ADGRL4: variants seen among roughly 807,000 people sequenced by gnomAD.
ADGRL4 encodes the protein EGF, latrophilin and seven transmembrane domain containing 1.
ADGRL4 carries 90 observed loss-of-function variants against 74.8 expected under a neutral mutation model. That is an observed-to-expected ratio of 1.20 (90% CI 1.02 to 1.43). The LOEUF (loss-of-function observed/expected upper bound fraction) is 1.43, where lower values mean the gene tolerates loss of function less well. Ranked by LOEUF, ADGRL4 falls within the 40% of genes most tolerant of loss-of-function variation. ADGRL4 has a pLI of 0.00. For missense variants in ADGRL4, 881 were observed against 814.3 expected, an observed-to-expected ratio of 1.08 and a Z score of -1.00; for synonymous variants, 311 against 279.2, an observed-to-expected ratio of 1.11 and a Z score of -1.14.
chr1:78,994,316 C>A (rs575177378), intron 2 of ADGRL4, among the ~76,000 whole-genome samples: 1 of 152,096 alleles, frequency 6.6e-6, no homozygotes, highest in Admixed American at 6.6e-5. Context: ...CAGCCTTATA[C>A]AACATATAAC....
intron 12 of ADGRL4, among the ~76,000 whole-genome samples, chr1:78,904,954 T>C (rs981092879): frequency 2.6e-4 from 39 of 152,186 alleles, no homozygotes; most frequent in African/African-American, 8.9e-4. Flanking sequence ...GTTTTCAAAA[T>C]TTGAAGTGAC....
chr1:78,991,709 A>T (rs558400162), intron 2 of ADGRL4, among the ~76,000 whole-genome samples: 1 of 152,008 alleles, frequency 6.6e-6, no homozygotes, highest in African/African-American at 2.4e-5. Flanking sequence ...CACCTTCAAT[A>T]TAGTCAACCA....
chr1:78,937,743 CA>C, intron 6 of ADGRL4, 63 bp downstream of exon 6: 2 of 1,509,680 alleles, frequency 1.3e-6, no homozygotes, highest in Non-Finnish European at 1.8e-6. Flanking sequence ...TAACCCCACC[CA>C]AAACTTTGAA....
intron 2 of ADGRL4, among the ~76,000 whole-genome samples, chr1:78,953,486 A>G (rs1649770609): frequency 6.6e-6 from 1 of 152,206 alleles, no homozygotes; most frequent in Non-Finnish European, 1.5e-5. Context: ...AACATCACTG[A>G]AAGACAATAG....
At chr1:78,971,226 G>A (rs916493591) in intron 2 of ADGRL4, among the ~76,000 whole-genome samples, 4 of 151,866 alleles carry the variant, frequency 2.6e-5, no homozygotes, top group African/African-American at 9.7e-5. Context: ...AGTTAAGATA[G>A]GTCTTTGACC....
intron 2 of ADGRL4, among the ~76,000 whole-genome samples, chr1:78,965,872 G>A (rs980837657): frequency 6.6e-6 from 1 of 151,908 alleles, no homozygotes; most frequent in African/African-American, 2.4e-5. Context: ...CAGCTGAGCT[G>A]ACACTCTAAA....
intron 2 of ADGRL4, among the ~76,000 whole-genome samples, chr1:78,955,818 G>C (rs1047018115): frequency 2.0e-5 from 3 of 152,012 alleles, no homozygotes; most frequent in Non-Finnish European, 4.4e-5. Flanking sequence ...ACTTATGAAT[G>C]AGACCTTGTT....
chr1:79,004,062 AAAGAGCCTATATAATTCAATCAC>A (rs1320960987), intron 2 of ADGRL4, among the ~76,000 whole-genome samples: 1 of 152,036 alleles, frequency 6.6e-6, no homozygotes, highest in Non-Finnish European at 1.5e-5. Flanking sequence ...TAATCTTTTT[AAAGAGCCTATATAATTCAATCAC>A]AAGATACAAC....
Position 78,926,976 on chromosome 1 carries a change from G to A in ADGRL4, c.993C>T (p.Val331=). ...TTGAGACTGAAATTACTGAAGATAT[G>A]ACTCTTTCCTCCTCTTCAGAATTAT... ...NYDNSEEEER[V]ISSVISVSMS... Residue 331 remains valine (V), a synonymous_variant, in exon 8 of 15, where the codon GTC becomes GTT. Transcript: ENST00000370742. The A allele has an allele frequency of 6.2e-7, 1 of 1,611,784 alleles. No homozygotes were observed. The highest frequency in any genetic ancestry group is 8.5e-7 in the Non-Finnish European group (1 of 1,178,542).
intron 2 of ADGRL4, among the ~76,000 whole-genome samples, chr1:78,979,515 A>T (rs555124067): frequency 3.9e-5 from 6 of 152,122 alleles, no homozygotes; most frequent in African/African-American, 1.4e-4. Flanking sequence ...CTAAAAACAG[A>T]ACTACCATTT....
intron 1 of ADGRL4, among the ~76,000 whole-genome samples, chr1:79,006,255 T>C (rs1487785818): frequency 6.6e-6 from 1 of 152,184 alleles, no homozygotes; most frequent in Non-Finnish European, 1.5e-5. Context: ...TGTCATTTAC[T>C]ATCTTTCTGC....
chr1:78,953,563 C>A (rs759642851), intron 2 of ADGRL4, among the ~76,000 whole-genome samples: 3 of 152,146 alleles, frequency 2.0e-5, no homozygotes, highest in Non-Finnish European at 2.9e-5. Context: ...GCTAGAGAAA[C>A]CGTTCTCTGA....
At chr1:78,902,627 A>G (rs1648543529) in intron 12 of ADGRL4, among the ~76,000 whole-genome samples, 1 of 152,214 alleles carries the variant, frequency 6.6e-6, no homozygotes, top group African/African-American at 2.4e-5. Flanking sequence ...GACATCTACA[A>G]TTTTAAGAAT....
chr1:78,937,262 T>C (rs1049427001), intron 6 of ADGRL4, among the ~76,000 whole-genome samples: 1 of 152,102 alleles, frequency 6.6e-6, no homozygotes, highest in Non-Finnish European at 1.5e-5. Flanking sequence ...CTGGCCAACA[T>C]GGTGAAACCC....
At chr1:78,904,136 C>T (rs1382626643) in intron 12 of ADGRL4, among the ~76,000 whole-genome samples, 1 of 151,656 alleles carries the variant, frequency 6.6e-6, no homozygotes, top group Non-Finnish European at 1.5e-5. Flanking sequence ...TTATATACTC[C>T]TTCACTAAAA....
intron 12 of ADGRL4, 95 bp downstream of exon 12, chr1:78,917,536 ATTC>A (rs1400242749): frequency 7.3e-6 from 5 of 689,144 alleles, no homozygotes; most frequent in East Asian, 5.6e-5. Context: ...AAATATTCAA[ATTC>A]TTCTTTTTTA....
chr1:78,890,821 C>T lies in ADGRL4; in HGVS notation c.*333G>A, dbSNP rs975994529. ...CACAGAAATATCAAGCCAGTGGTTT[C>T]CTTCAGGACATTCATATACTTCTCG... On this transcript the variant is annotated 3_prime_UTR_variant, in exon 15 of 15. Coordinates refer to ENST00000370742, the MANE Select transcript of ADGRL4 (RefSeq NM_022159.4). 2.6e-5 allele frequency: 6 copies of T among 232,088 alleles called. No individual in the cohort carries two copies. Among genetic ancestry groups the T allele is most frequent in the African/African-American group, 1.1e-4 (5 of 43,636 alleles). 14.4% of individuals were successfully genotyped at this position (232,088 alleles called of 1,614,324 possible).
At chr1:78,970,432 GATAGAGAC>G (rs1650146254) in intron 2 of ADGRL4, among the ~76,000 whole-genome samples, 1 of 152,160 alleles carries the variant, frequency 6.6e-6, no homozygotes, top group African/African-American at 2.4e-5. Context: ...TAGTAGGTGG[GATAGAGAC>G]ATAGGTGAGA....
chr1:78,938,373 G>A (rs1042065968), intron 4 of ADGRL4, 94 bp from the exon 5 acceptor site: 55 of 1,000,492 alleles, frequency 5.5e-5, no homozygotes, highest in Non-Finnish European at 7.6e-5. Flanking sequence ...CCCTGAGGTT[G>A]GTTTCCTTGG....
Sources: allele counts gnomAD v4.1 joint callset (sites outside exome capture counted in the v4.1 genomes callset), GRCh38; gene constraint gnomAD v4.1.1; transcripts MANE v1.5; gene names NCBI Gene and HGNC (gene_info 2026-07-23, HGNC 2026-07-21).